Variants in CLSTN2 observed in about 807,000 individuals in gnomAD.
The protein encoded by CLSTN2 is calsyntenin-2.
A neutral mutation model predicts 101.2 loss-of-function variants in CLSTN2; 48 were observed. The ratio of observed to expected loss-of-function variants is 0.47; its 90% CI spans 0.38 to 0.60. The LOEUF is 0.60. CLSTN2 is among the 20% of genes least tolerant of loss of function. The probability of loss-of-function intolerance (pLI) is 0.00; values close to 1 mark genes in which losing one functional copy is unlikely to be tolerated. For missense variants in CLSTN2, 1,160 were observed against 1,238.2 expected, an observed-to-expected ratio of 0.94 and a Z score of 0.95; for synonymous variants, 481 against 463.6, an observed-to-expected ratio of 1.04 and a Z score of -0.48.
intron 2 of CLSTN2, among the ~76,000 whole-genome samples, chr3:140,277,656 G>T (rs1036198031): frequency 9.9e-5 from 15 of 152,086 alleles, no homozygotes; most frequent in African/African-American, 2.9e-4. Context: ...TTGTAGATTT[G>T]TTTCCCCTAC....
At chr3:140,284,985 A>C (rs2086882748) in intron 2 of CLSTN2, among the ~76,000 whole-genome samples, 2 of 151,710 alleles carry the variant, frequency 1.3e-5, no homozygotes, top group Non-Finnish European at 2.9e-5. Flanking sequence ...GTTTATTGCA[A>C]GAGATAGGAT....
At chr3:140,315,015 G>C (rs1314974179) in intron 2 of CLSTN2, among the ~76,000 whole-genome samples, 1 of 152,222 alleles carries the variant, frequency 6.6e-6, no homozygotes, top group African/African-American at 2.4e-5. Flanking sequence ...ATTTAAATGA[G>C]AGAGTTAGAT....
chr3:140,126,525 G>A (rs1324414105), intron 1 of CLSTN2, among the ~76,000 whole-genome samples: 1 of 152,134 alleles, frequency 6.6e-6, no homozygotes, highest in Non-Finnish European at 1.5e-5. Context: ...ACTATCCAAA[G>A]CTGAGACCGA....
intron 1 of CLSTN2, among the ~76,000 whole-genome samples, chr3:139,956,802 A>G (rs1451728246): frequency 2.0e-5 from 3 of 152,218 alleles, no homozygotes; most frequent in African/African-American, 7.2e-5. Context: ...AATTAAAAAA[A>G]TACATAATTT....
intron 1 of CLSTN2, among the ~76,000 whole-genome samples, chr3:139,946,583 G>A (rs949517080): frequency 2.0e-5 from 3 of 152,214 alleles, no homozygotes; most frequent in Non-Finnish European, 4.4e-5. Context: ...AGGGAGGTAG[G>A]GATGGGCATC....
intron 1 of CLSTN2, among the ~76,000 whole-genome samples, chr3:140,095,359 G>A (rs1414274904): frequency 2.0e-5 from 3 of 152,106 alleles, no homozygotes; most frequent in Non-Finnish European, 2.9e-5. Flanking sequence ...CCTTTATTTC[G>A]ATACTCCAGA....
intron 1 of CLSTN2, among the ~76,000 whole-genome samples, chr3:139,997,239 T>C (rs910718170): frequency 5.3e-5 from 8 of 152,184 alleles, no homozygotes; most frequent in African/African-American, 1.2e-4. Context: ...TCCTTTTTCT[T>C]TGAGACGTCT....
Position 140,562,112 on chromosome 3 carries a change from C to T in CLSTN2, c.2042-26C>T, listed in dbSNP as rs1576378807. 7 of 1,608,652 alleles carry T rather than the reference C, an allele frequency of 4.4e-6. No individual in the cohort carries two copies. The East Asian group carries it at 1.6e-4, about 36-fold the overall frequency. On this transcript the variant is annotated intron_variant, in intron 12 of 16. Transcript: ENST00000458420. ...TTTTCTGAGCTGTCCTTCATGCCTG[C>T]ATTTCCCATGTCTGTCTTCCTACAG...
At chr3:140,497,077 G>C (rs1441282647) in intron 8 of CLSTN2, among the ~76,000 whole-genome samples, 1 of 150,378 alleles carries the variant, frequency 6.6e-6, no homozygotes, top group Admixed American at 6.7e-5. Flanking sequence ...CTCTAGCTTG[G>C]GTGACACAGC....
intron 1 of CLSTN2, among the ~76,000 whole-genome samples, chr3:140,013,789 C>T (rs2007138272): frequency 6.6e-6 from 1 of 152,128 alleles, no homozygotes; most frequent in Non-Finnish European, 1.5e-5. Flanking sequence ...GCTGACTCCT[C>T]CAGATGTCAC....
chr3:140,174,677 A>C (rs2107828074), intron 1 of CLSTN2, among the ~76,000 whole-genome samples: 1 of 152,334 alleles, frequency 6.6e-6, no homozygotes, highest in South Asian at 2.1e-4. Context: ...GTAAAAGCGG[A>C]AACCCCTGAG....
intron 1 of CLSTN2, among the ~76,000 whole-genome samples, chr3:139,997,425 T>C (rs936566963): frequency 1.3e-5 from 2 of 152,216 alleles, no homozygotes; most frequent in African/African-American, 4.8e-5. Context: ...TTTTTACACA[T>C]GGAGAACCAA....
chr3:140,481,529 T>A (rs1576591611), intron 8 of CLSTN2, among the ~76,000 whole-genome samples: 1 of 152,282 alleles, frequency 6.6e-6, no homozygotes, highest in East Asian at 1.9e-4. Flanking sequence ...ATCTATAAAT[T>A]ACCTTGGGCA....
chr3:140,448,667 G>T lies in CLSTN2; in HGVS notation c.936G>T (p.Arg312=). Residue 312 remains arginine (R), a synonymous_variant, in exon 6 of 17, where the codon CGG becomes CGT. Coordinates refer to ENST00000458420, the MANE Select transcript of CLSTN2 (RefSeq NM_022131.3). ...ATTACATTGGGAAGGGTTGTGACCG[G>T]GAGACCTACTCTGAGAAATCCCTTC... The part of the protein sequence containing the change: ...QTNYIGKGCD[R]ETYSEKSLQK... 1 of 1,613,914 alleles carries T rather than the reference G, an allele frequency of 6.2e-7. No homozygotes were observed. Among genetic ancestry groups the T allele is most frequent in the Non-Finnish European group, 8.5e-7 (1 of 1,179,894 alleles).
chr3:140,350,014 C>G (rs939408599), intron 2 of CLSTN2, among the ~76,000 whole-genome samples: 3 of 152,180 alleles, frequency 2.0e-5, no homozygotes, highest in African/African-American at 7.2e-5. Context: ...GAAACTTTGT[C>G]TGAAGTCCAG....
chr3:140,322,224 C>T (rs968746073), intron 2 of CLSTN2, among the ~76,000 whole-genome samples: 1 of 152,170 alleles, frequency 6.6e-6, no homozygotes, highest in Non-Finnish European at 1.5e-5. Context: ...GTGGCCTGGC[C>T]CAGCATCTGG....
At chr3:140,161,174 G>A (rs1337358763) in intron 1 of CLSTN2, among the ~76,000 whole-genome samples, 1 of 152,066 alleles carries the variant, frequency 6.6e-6, no homozygotes, top group Non-Finnish European at 1.5e-5. Flanking sequence ...AGGAGACATT[G>A]ACACCTTCAA....
intron 1 of CLSTN2, among the ~76,000 whole-genome samples, chr3:140,128,948 A>G (rs1049301944): frequency 6.6e-6 from 1 of 152,186 alleles, no homozygotes; most frequent in African/African-American, 2.4e-5. Flanking sequence ...AGATGCAGAC[A>G]TGGTGCATAC....
At chr3:140,482,064 A>G (rs1414743487) in intron 8 of CLSTN2, among the ~76,000 whole-genome samples, 1 of 152,202 alleles carries the variant, frequency 6.6e-6, no homozygotes, top group African/African-American at 2.4e-5. Flanking sequence ...TTGCCCATTC[A>G]GTATGATATT....
Sources: allele counts gnomAD v4.1 joint callset (sites outside exome capture counted in the v4.1 genomes callset), GRCh38; gene constraint gnomAD v4.1.1; transcripts MANE v1.5; gene names NCBI Gene and HGNC (gene_info 2026-07-23, HGNC 2026-07-21).